Variants in GAK observed in about 807,000 individuals in gnomAD.
The protein encoded by GAK is cyclin-G-associated kinase.
A neutral mutation model predicts 143.9 loss-of-function variants in GAK; 79 were observed. The ratio of observed to expected loss-of-function variants is 0.55; its 90% CI spans 0.46 to 0.66. The LOEUF is 0.66. Among genes scored for constraint, GAK ranks in the 30% least tolerant of loss-of-function variants. The pLI is 0.00. For missense variants in GAK, 1,693 were observed against 1,779.7 expected, an observed-to-expected ratio of 0.95 and a Z score of 0.88; for synonymous variants, 881 against 765.5, an observed-to-expected ratio of 1.15 and a Z score of -2.49.
At chr4:931,454 G>C (rs927532066) in intron 1 of GAK, among the ~76,000 whole-genome samples, 1 of 103,384 alleles carries the variant, frequency 9.7e-6, no homozygotes, top group Non-Finnish European at 1.8e-5. Context: ...GCAACTACCT[G>C]CAACACGTGT....
Position 851,014 on chromosome 4 carries a change from A to T in GAK, c.3579T>A (p.Ser1193=), listed in dbSNP as rs760532650. The change falls in exon 26 of 28, where the codon TCT becomes TCA. Residue 1193 remains serine (S), a synonymous_variant. Coordinates refer to ENST00000314167, the MANE Select transcript of GAK (RefSeq NM_005255.4). ...CAATGGTCTTTGGCCCTTTCTTGTC[A>T]GACCTGGAGGAGAAGCCTTGATTGG... ...LLSNQGFSSR[S]DKKGPKTIAE... is the part of the protein sequence containing the mutation. The T allele has an allele frequency of 6.2e-7, 1 of 1,614,092 alleles. No individual in the cohort carries two copies. Among genetic ancestry groups the T allele is most frequent in the East Asian group, 2.2e-5 (1 of 44,868 alleles).
intron 18 of GAK, among the ~76,000 whole-genome samples, chr4:875,294 G>C (rs1487074855): frequency 6.6e-6 from 1 of 152,106 alleles, no homozygotes; most frequent in African/African-American, 2.4e-5. Context: ...TTAAAGTTGC[G>C]AATATGTGAG....
At chr4:893,728 C>T (rs549756956) in intron 8 of GAK, 146 bp downstream of exon 8, 5 of 1,018,150 alleles carry the variant, frequency 4.9e-6, no homozygotes, top group African/African-American at 3.5e-5. Context: ...TCTGGAAACC[C>T]CCCCCCCAGG....
rs542993107 is a variant in GAK at position 926,167 on chromosome 4, G to A, written c.145+5876C>T. On this transcript the variant is annotated intron_variant, in intron 1 of 27. Coordinates refer to ENST00000314167, the MANE Select transcript of GAK (RefSeq NM_005255.4). ...AATTCACCCCAGGGGGTCCTCCCTC[G>A]ACAGTGACCTCCCCCAATGGTGAGC... 8.6e-5 allele frequency among the ~76,000 whole-genome samples: 13 copies of A among 151,396 alleles called. No homozygotes were observed. The South Asian group carries it at 1.9e-3, about 22-fold the overall frequency.
chr4:890,029 G>A (rs1397110006), intron 10 of GAK, among the ~76,000 whole-genome samples: 2 of 152,208 alleles, frequency 1.3e-5, no homozygotes, highest in Non-Finnish European at 2.9e-5. Context: ...GGTCGCTACT[G>A]TAGTAAATGG....
chr4:869,936 T>C (rs1276373918), intron 19 of GAK: 3 of 143,402 alleles, frequency 2.1e-5, no homozygotes, highest in Admixed American at 1.4e-4. Context: ...TACACATGCA[T>C]GCACACACAC....
chr4:903,712 G>A (rs1209711989), intron 5 of GAK, among the ~76,000 whole-genome samples: 1 of 130,238 alleles, frequency 7.7e-6, no homozygotes, highest in East Asian at 2.6e-4. Context: ...GGGCGGTGGG[G>A]GGGCGGCCGA....
In GAK at chr4:857,861, T is replaced by C. The variant is rs1189087949; in HGVS notation, c.3283+1745A>G. 2.6e-5 allele frequency among the ~76,000 whole-genome samples: 4 copies of C among 152,202 alleles called. No individual in the cohort carries two copies. In the East Asian group the frequency reaches 7.7e-4, roughly 29 times the overall value. ...GAGAGCTCAGGTTACTGCTGGGGCATTCCAGCTTTTCCACAGCAAGCCCCC... is the reference window on the plus strand; with the variant it reads ...GAGAGCTCAGGTTACTGCTGGGGCACTCCAGCTTTTCCACAGCAAGCCCCC... On this transcript the variant is annotated intron_variant, in intron 24 of 27. Coordinates refer to ENST00000314167, the MANE Select transcript of GAK (RefSeq NM_005255.4).
chr4:852,074 T>G, intron 24 of GAK, 100 bp from the exon 25 acceptor site: 22 of 1,009,272 alleles, frequency 2.2e-5, no homozygotes, highest in Non-Finnish European at 3.3e-5. Flanking sequence ...AAACATGCGC[T>G]TGCAAAATAG....
chr4:860,249 T>C (rs1230686001), intron 23 of GAK, among the ~76,000 whole-genome samples: 1 of 143,902 alleles, frequency 6.9e-6, no homozygotes, highest in South Asian at 2.1e-4. Flanking sequence ...CCAGGGGGGC[T>C]GCGGTGGGAG....
At position 856,601 on chromosome 4, in the gene GAK, GCTGCTCACCACAGGTGCTCACAC is replaced by G. The variant is rs1277274027; in HGVS notation, c.3283+2982_3283+3004del. Among the ~76,000 whole-genome samples, 8 of 99,092 alleles carry G rather than the reference GCTGCTCACCACAGGTGCTCACAC, an allele frequency of 8.1e-5. No homozygotes were observed. The East Asian group carries it at 9.2e-4, about 11-fold the overall frequency. 65.0% of individuals were successfully genotyped at this position (99,092 alleles called of 152,430 possible). A position where few individuals can be genotyped will look rare whatever the true frequency, so the allele number is the denominator to read the frequency against. On this transcript the variant is annotated intron_variant, in intron 24 of 27. Transcript: ENST00000314167. ...CTGCTCACCACCACAGGTGCTCACA[GCTGCTCACCACAGGTGCTCACAC>G]CTGCTCACCACAGCTGCTCACACCT... is the stretch of plus-strand genomic sequence containing the variant.
chr4:890,660 T>G (rs367830879), intron 9 of GAK, 38 bp from the exon 10 acceptor site: 19 of 1,564,576 alleles, frequency 1.2e-5, no homozygotes, highest in Non-Finnish European at 1.7e-5. Flanking sequence ...TTCTCTAAAC[T>G]GACAACTCAC....
intron 18 of GAK, among the ~76,000 whole-genome samples, chr4:875,828 G>C (rs1303617357): frequency 6.6e-6 from 1 of 152,218 alleles, no homozygotes; most frequent in Non-Finnish European, 1.5e-5. Flanking sequence ...TGTAATCCCA[G>C]CTACTCAGGA....
chr4:880,483 G>A (rs1335398739), intron 15 of GAK, among the ~76,000 whole-genome samples: 2 of 152,124 alleles, frequency 1.3e-5, no homozygotes, highest in Admixed American at 1.3e-4. Flanking sequence ...TAGTAGCTGC[G>A]CCCCCTTGCC....
At chr4:871,124 C>T (rs189789710) in intron 18 of GAK, among the ~76,000 whole-genome samples, 22 of 152,392 alleles carry the variant, frequency 1.4e-4, no homozygotes, top group Admixed American at 5.9e-4. Flanking sequence ...CCCCCGGTCA[C>T]GGCCCCAGAA....
At chr4:903,133 C>T (rs572625174) in intron 5 of GAK, among the ~76,000 whole-genome samples, 10 of 151,836 alleles carry the variant, frequency 6.6e-5, no homozygotes, top group African/African-American at 2.4e-4. Context: ...AGCCCCGGCC[C>T]AGAACCACCT....
intron 14 of GAK, 68 bp downstream of exon 14, chr4:882,629 T>C: frequency 1.9e-6 from 3 of 1,575,808 alleles, no homozygotes; most frequent in Non-Finnish European, 2.6e-6. Flanking sequence ...GCTCAGATCC[T>C]GTTGAACTAT....
intron 1 of GAK, among the ~76,000 whole-genome samples, chr4:916,740 T>C (rs1723143328): frequency 6.6e-6 from 1 of 152,214 alleles, no homozygotes; most frequent in Non-Finnish European, 1.5e-5. Context: ...TATGCACAGC[T>C]TTTGGAAATG....
chr4:901,980 G>A (rs772859294), intron 5 of GAK, among the ~76,000 whole-genome samples: 1 of 152,368 alleles, frequency 6.6e-6, no homozygotes, highest in East Asian at 1.9e-4. Context: ...TCTCACGCCT[G>A]TAATCCCAGC....
Sources: allele counts gnomAD v4.1 joint callset (sites outside exome capture counted in the v4.1 genomes callset), GRCh38; gene constraint gnomAD v4.1.1; transcripts MANE v1.5; gene names NCBI Gene and HGNC (gene_info 2026-07-23, HGNC 2026-07-21).